Variants in SH3BGRL2 observed in about 807,000 individuals in gnomAD.
SH3BGRL2 encodes the protein SH3 domain binding glutamate rich protein like 2.
A neutral mutation model predicts 14.8 loss-of-function variants in SH3BGRL2; 21 were observed. The observed-to-expected ratio is 1.42, with a 90% CI of 1.01 to 2.05. The LOEUF is 2.05. Ranked by LOEUF, SH3BGRL2 falls within the 30% of genes most tolerant of loss-of-function variation. SH3BGRL2 has a pLI of 0.00. For synonymous variants in SH3BGRL2, 50 were observed against 47.8 expected, an observed-to-expected ratio of 1.05 and a Z score of -0.19; for missense variants, 147 against 130.8, an observed-to-expected ratio of 1.12 and a Z score of -0.61.
the SH3BGRL2 span, among the ~76,000 whole-genome samples, chr6:79,607,734 C>T: frequency 1.3e-5 from 2 of 152,152 alleles, no homozygotes; most frequent in Non-Finnish European, 2.9e-5. Flanking sequence ...CACCTGAGGT[C>T]AGGAGTTCAA....
chr6:79,687,065 GCAC>G, intron 2 of SH3BGRL2, among the ~76,000 whole-genome samples: 2 of 152,268 alleles, frequency 1.3e-5, no homozygotes, highest in Non-Finnish European at 2.9e-5. Context: ...TGTTTGGAGA[GCAC>G]TTCTCTGGAG....
chr6:79,590,681 G>A, the SH3BGRL2 span, among the ~76,000 whole-genome samples: 3 of 151,708 alleles, frequency 2.0e-5, no homozygotes, highest in African/African-American at 7.3e-5. Flanking sequence ...CAGAAGGGAG[G>A]GAGAGGGATG....
the SH3BGRL2 span, among the ~76,000 whole-genome samples, chr6:79,597,151 ACCAG>A: frequency 6.6e-6 from 1 of 151,980 alleles, no homozygotes; most frequent in Non-Finnish European, 1.5e-5. Context: ...AATCGCTTGA[ACCAG>A]GTAGGTGGAG....
At chr6:79,602,130 T>C in the SH3BGRL2 span, among the ~76,000 whole-genome samples, 1 of 152,206 alleles carries the variant, frequency 6.6e-6, no homozygotes, top group East Asian at 1.9e-4. Context: ...ATTCATTCAT[T>C]TGAAAATCAC....
At chr6:79,598,011 A>G in the SH3BGRL2 span, among the ~76,000 whole-genome samples, 6 of 152,260 alleles carry the variant, frequency 3.9e-5, no homozygotes, top group Non-Finnish European at 5.9e-5. Context: ...AGGATACTCA[A>G]CATCACTAGC....
At chr6:79,585,691 A>G in the SH3BGRL2 span, among the ~76,000 whole-genome samples, 1,603 of 152,064 alleles carry the variant, frequency 0.011, 25 homozygotes, top group African/African-American at 0.037. Context: ...CCTAAGAAGT[A>G]TTTCTTAAGT....
intron 1 of SH3BGRL2, among the ~76,000 whole-genome samples, chr6:79,654,703 T>G (rs901697120): frequency 1.3e-5 from 2 of 152,208 alleles, no homozygotes; most frequent in Non-Finnish European, 1.5e-5. Context: ...TTGATAGATG[T>G]TTCTTTGTCT....
At chr6:79,685,509 C>G (rs906801121) in intron 2 of SH3BGRL2, among the ~76,000 whole-genome samples, 1 of 151,974 alleles carries the variant, frequency 6.6e-6, no homozygotes, top group South Asian at 2.1e-4. Flanking sequence ...TATCTATATT[C>G]CTTGATTTTA....
chr6:79,685,369 T>C (rs942580808), intron 2 of SH3BGRL2, among the ~76,000 whole-genome samples: 1 of 152,200 alleles, frequency 6.6e-6, no homozygotes, highest in South Asian at 2.1e-4. Context: ...CATGTTAATA[T>C]CACTTTGGAC....
chr6:79,588,277 C>G, the SH3BGRL2 span, among the ~76,000 whole-genome samples: 1 of 103,330 alleles, frequency 9.7e-6, no homozygotes, highest in African/African-American at 3.6e-5. Context: ...GGTGACAGAA[C>G]AAGACTCTGT....
At chr6:79,624,160 G>T in the SH3BGRL2 span, among the ~76,000 whole-genome samples, 3 of 151,880 alleles carry the variant, frequency 2.0e-5, no homozygotes, top group South Asian at 6.2e-4. Flanking sequence ...GTGTTGCCTA[G>T]AACTATTTCA....
chr6:79,543,734 C>T, the SH3BGRL2 span, among the ~76,000 whole-genome samples: 12 of 152,282 alleles, frequency 7.9e-5, 1 homozygote, highest in South Asian at 2.5e-3. Flanking sequence ...CTCCAACAAA[C>T]ACTTCGAGTA....
the SH3BGRL2 span, among the ~76,000 whole-genome samples, chr6:79,594,116 C>T: frequency 6.6e-6 from 1 of 151,450 alleles, no homozygotes; most frequent in Admixed American, 6.6e-5. Context: ...AATAGAGAAG[C>T]TTGACTATAT....
the SH3BGRL2 span, among the ~76,000 whole-genome samples, chr6:79,605,265 C>T: frequency 6.6e-6 from 1 of 152,108 alleles, no homozygotes; most frequent in East Asian, 1.9e-4. Flanking sequence ...CCGGGTGAGC[C>T]CAGCCTGCAG....
intron 1 of SH3BGRL2, among the ~76,000 whole-genome samples, chr6:79,664,827 G>T (rs1250468522): frequency 1.3e-5 from 2 of 152,202 alleles, no homozygotes; most frequent in African/African-American, 2.4e-5. Flanking sequence ...GACTTTAGGA[G>T]ACAAGATTTA....
chr6:79,599,856 T>G, the SH3BGRL2 span, among the ~76,000 whole-genome samples: 1 of 152,156 alleles, frequency 6.6e-6, no homozygotes, highest in Non-Finnish European at 1.5e-5. Flanking sequence ...CAGCTTTTGT[T>G]TGTTTTTATT....
intron 1 of SH3BGRL2, among the ~76,000 whole-genome samples, chr6:79,649,586 T>TA (rs1562147133): frequency 6.6e-6 from 1 of 152,118 alleles, no homozygotes; most frequent in Admixed American, 6.6e-5. Flanking sequence ...TTATAATACT[T>TA]ACAGACTTTC....
chr6:79,625,930 A>G, the SH3BGRL2 span, among the ~76,000 whole-genome samples: 1 of 152,024 alleles, frequency 6.6e-6, no homozygotes, highest in Non-Finnish European at 1.5e-5. Flanking sequence ...TCTATCACCC[A>G]CTAACAGCCA....
At chr6:79,570,150 G>A in the SH3BGRL2 span, among the ~76,000 whole-genome samples, 3 of 152,102 alleles carry the variant, frequency 2.0e-5, no homozygotes, top group African/African-American at 7.2e-5. Context: ...ACATATGGTA[G>A]TTACAAGGAA....
Sources: gnomAD v4.1 joint callset for allele counts (sites outside exome capture counted in the v4.1 genomes callset) on GRCh38, gnomAD v4.1.1 for gene constraint, MANE v1.5 for transcripts, NCBI Gene and HGNC (gene_info 2026-07-23, HGNC 2026-07-21) for gene names.